API5: variants seen among roughly 807,000 people sequenced by gnomAD.
API5 encodes FIF.
A neutral mutation model predicts 71.9 loss-of-function variants in API5; 6 were observed. The ratio of observed to expected loss-of-function variants is 0.08; its 90% CI spans 0.05 to 0.16. The LOEUF (loss-of-function observed/expected upper bound fraction) is 0.16, where lower values mean the gene tolerates loss of function less well. Among genes scored for constraint, API5 ranks in the 10% least tolerant of loss-of-function variants. The pLI is 1.00. For missense variants in API5, 332 were observed against 612.8 expected, an observed-to-expected ratio of 0.54 and a Z score of 4.84; for synonymous variants, 189 against 221.3, an observed-to-expected ratio of 0.85 and a Z score of 1.30.
At chr11:43,342,384 T>C (rs1259277233) in intron 13 of API5, 44 bp from the exon 14 acceptor site, 2 of 1,520,532 alleles carry the variant, frequency 1.3e-6, no homozygotes, top group Non-Finnish European at 1.8e-6. Context: ...TGCTGCACCA[T>C]GAAATCCTAA....
rs1260979471 is a variant in API5, at chr11:43,312,013, T to G, written c.-115T>G. ...TGTGCGCGGTGACTGGCGGCTGCACTGGCGGCAGCTGGAGGTGTAATAGTG... is the reference window on the plus strand; with the variant it reads ...TGTGCGCGGTGACTGGCGGCTGCACGGGCGGCAGCTGGAGGTGTAATAGTG... On this transcript the variant is annotated 5_prime_UTR_variant, in exon 1 of 14. Transcript: ENST00000531273. The G allele has an allele frequency of 1.4e-5, 17 of 1,191,660 alleles. No homozygotes were observed. Among genetic ancestry groups the G allele is most frequent in the Non-Finnish European group, 1.6e-5 (13 of 838,670 alleles). The allele number at this position is 1,191,660 out of a possible 1,614,324, so 73.8% of individuals were successfully genotyped here.
At chr11:43,324,025 T>G (rs1854984412) in intron 6 of API5, among the ~76,000 whole-genome samples, 1 of 152,138 alleles carries the variant, frequency 6.6e-6, no homozygotes, top group Non-Finnish European at 1.5e-5. Context: ...AAAGAATTTT[T>G]TTTTTCCTTT....
At chr11:43,335,406 T>TCGGGGAGAGGGGGGAGGGA in intron 12 of API5, 52 bp downstream of exon 12, 1 of 1,020,008 alleles carries the variant, frequency 9.8e-7, no homozygotes, top group Non-Finnish European at 1.5e-6. Flanking sequence ...TTAATACGAG[T>TCGGGGAGAGGGGGGAGGGA]TACATTTACT....
intron 1 of API5, chr11:43,318,300 C>T (rs570655959): frequency 1.7e-4 from 157 of 950,542 alleles, no homozygotes; most frequent in East Asian, 1.4e-3. Context: ...TGAGCCACCA[C>T]GCCTGGCCCA....
chr11:43,338,648 TAAAAAAAAA>T (rs35510804), intron 13 of API5, among the ~76,000 whole-genome samples: 2 of 96,990 alleles, frequency 2.1e-5, no homozygotes, highest in African/African-American at 8.1e-5. Context: ...CAATTGGAGG[TAAAAAAAAA>T]AAAAAAAAAA....
intron 1 of API5, among the ~76,000 whole-genome samples, chr11:43,315,438 C>T (rs951831172): frequency 6.6e-6 from 1 of 151,350 alleles, no homozygotes; most frequent in Non-Finnish European, 1.5e-5. Context: ...TGTACCTTGC[C>T]CTTCAGTAAG....
Position 43,319,952 on chromosome 11 carries a change from C to G in API5, c.232-869C>G, listed in dbSNP as rs79380629. 4.7e-3 allele frequency among the ~76,000 whole-genome samples: 720 copies of G among 151,762 alleles called. 7 individuals are homozygous for G. Among genetic ancestry groups the G allele is most frequent in the African/African-American group, 0.016 (680 of 41,394 alleles). ...GCATGTAAATAGTTGTTTATAATCT[C>G]AAATCTGTCTCCTTCAGCGAGACAT... On this transcript the variant is annotated intron_variant, in intron 2 of 13. Coordinates refer to ENST00000531273, the MANE Select transcript of API5 (RefSeq NM_001142930.2).
In API5 at chr11:43,312,185, C is replaced by G; in HGVS notation, c.58C>G (p.Gln20Glu). 1 of 1,613,894 alleles carries G rather than the reference C, an allele frequency of 6.2e-7. No individual in the cohort carries two copies. The highest frequency in any genetic ancestry group is 2.2e-5 in the East Asian group (1 of 44,868). ...NYGILADATEQVGQHKDAYQV... is the reference protein window; with the variant it reads ...NYGILADATEEVGQHKDAYQV... ...TGGCATCCTGGCCGATGCCACGGAGCAAGTGGGCCAGGTGAGTTGAGTCCC... is the reference window on the plus strand; with the variant it reads ...TGGCATCCTGGCCGATGCCACGGAGGAAGTGGGCCAGGTGAGTTGAGTCCC... Residue 20 changes from glutamine (Q) to glutamate (E), a missense_variant, in exon 1 of 14, where the codon CAA (glutamine) becomes GAA (glutamate). Physicochemically the swap from Gln to Glu is conservative, Grantham distance 29. Transcript: ENST00000531273.
intron 13 of API5, chr11:43,340,227 G>A: frequency 5.7e-6 from 2 of 351,264 alleles, no homozygotes; most frequent in South Asian, 2.2e-5. Flanking sequence ...AACCAAGAAG[G>A]TAAAATATTT....
chr11:43,342,981 G>A lies in API5; in HGVS notation c.*471G>A. On this transcript the variant is annotated 3_prime_UTR_variant, in exon 14 of 14. Coordinates refer to ENST00000531273, the MANE Select transcript of API5 (RefSeq NM_001142930.2). ...TTGTTTAATAAAGCTGCTGGGCAGT[G>A]GTGCAGCATTCCTACCTAGTGTCAT... is the stretch of plus-strand genomic sequence containing the variant. 4.1e-6 allele frequency: 1 copy of A among 243,434 alleles called. No homozygotes were observed. The highest frequency in any genetic ancestry group is 7.8e-6 in the Non-Finnish European group (1 of 127,998). The allele number at this position is 243,434 out of a possible 1,614,324, so 15.1% of individuals were successfully genotyped here.
rs750788345 is a variant in API5 at position 43,328,910 on chromosome 11, G to A, written c.1127+17G>A. On this transcript the variant is annotated intron_variant, in intron 9 of 13. Coordinates refer to ENST00000531273, the MANE Select transcript of API5 (RefSeq NM_001142930.2). ...CAAAATCAGGTGATATATGATTGAGGTGGCTCAATCCTTGGCAAAGGTGGT... is the reference window on the plus strand; with the variant it reads ...CAAAATCAGGTGATATATGATTGAGATGGCTCAATCCTTGGCAAAGGTGGT... 2 of 1,613,084 alleles carry A rather than the reference G, an allele frequency of 1.2e-6. No homozygotes were observed. Among genetic ancestry groups the A allele is most frequent in the Non-Finnish European group, 1.7e-6 (2 of 1,179,180 alleles).
chr11:43,318,619 C>T (rs753834258), intron 1 of API5, 21 bp from the exon 2 acceptor site: 4 of 1,609,310 alleles, frequency 2.5e-6, no homozygotes, highest in Non-Finnish European at 1.7e-6. Flanking sequence ...TGTGTCTTTC[C>T]TGCTTTATTT....
At chr11:43,318,461 G>T in intron 1 of API5, 179 bp from the exon 2 acceptor site, 1 of 1,535,560 alleles carries the variant, frequency 6.5e-7, no homozygotes, top group Non-Finnish European at 8.7e-7. Context: ...AACAAAGATG[G>T]AGGGAGAACG....
intron 11 of API5, among the ~76,000 whole-genome samples, chr11:43,331,866 A>C (rs1855268318): frequency 6.6e-6 from 1 of 152,218 alleles, no homozygotes; most frequent in African/African-American, 2.4e-5. Flanking sequence ...TAATCTCCTA[A>C]GGAAATGTTT....
At chr11:43,332,180 G>A (rs1184446087) in intron 11 of API5, 1 of 152,192 alleles carries the variant, frequency 6.6e-6, no homozygotes, top group Non-Finnish European at 1.5e-5. Context: ...AGTTTCTCCT[G>A]CTATACTCTC....
chr11:43,326,689 C>A, intron 7 of API5, 78 bp downstream of exon 7: 2 of 816,332 alleles, frequency 2.4e-6, no homozygotes, highest in Non-Finnish European at 4.1e-6. Context: ...AACTTAGATC[C>A]GATTTCTAAG....
At chr11:43,312,321 C>T (rs1854502628) in intron 1 of API5, 125 bp downstream of exon 1, 2 of 1,000,232 alleles carry the variant, frequency 2.0e-6, no homozygotes, top group African/African-American at 3.2e-5. Context: ...TCCTAGCCTC[C>T]TCAGGCCGTC....
chr11:43,317,987 T>G (rs1854731172), intron 1 of API5, among the ~76,000 whole-genome samples: 1 of 48,194 alleles, frequency 2.1e-5, no homozygotes, highest in South Asian at 7.2e-4. Context: ...TCATTACAAT[T>G]GTTTTGTTTG....
chr11:43,328,584 C>A, intron 8 of API5, 128 bp from the exon 9 acceptor site: 1 of 813,090 alleles, frequency 1.2e-6, no homozygotes, highest in Non-Finnish European at 1.9e-6. Flanking sequence ...AAAAGAAATC[C>A]AAATGTCTGG....
Sources: allele counts gnomAD v4.1 joint callset (sites outside exome capture counted in the v4.1 genomes callset), GRCh38; gene constraint gnomAD v4.1.1; transcripts MANE v1.5; gene names NCBI Gene and HGNC (gene_info 2026-07-23, HGNC 2026-07-21).